Variants in JMJD1C observed in about 807,000 individuals in gnomAD.
JMJD1C encodes jumonji domain containing 1C.
Under a neutral mutation model 245.3 loss-of-function variants are expected in JMJD1C, and 31 were observed. That is an observed-to-expected ratio of 0.13 (90% CI 0.09 to 0.17). The LOEUF is 0.17. Ranked by LOEUF, JMJD1C falls within the 10% of genes least tolerant of loss-of-function variation. The probability of loss-of-function intolerance (pLI) is 1.00; values close to 1 mark genes in which losing one functional copy is unlikely to be tolerated. For missense variants in JMJD1C, 2,691 were observed against 3,000.2 expected (o/e 0.90, Z 2.41); for synonymous variants, 1,057 against 1,017.4 (o/e 1.04, Z -0.74).
At chr10:63,441,254 T>C (rs567043453) in intron 1 of JMJD1C, among the ~76,000 whole-genome samples, 27 of 152,284 alleles carry the variant, frequency 1.8e-4, no homozygotes, top group Admixed American at 6.5e-4. Context: ...CCTAAAGGTG[T>C]CCTTGGATTC....
At chr10:63,183,097 G>C (rs1458888648) in intron 22 of JMJD1C, among the ~76,000 whole-genome samples, 1 of 152,162 alleles carries the variant, frequency 6.6e-6, no homozygotes, top group African/African-American at 2.4e-5. Flanking sequence ...CTGACCTCCA[G>C]TGATTCACCT....
At chr10:63,354,796 C>T (rs907721967) in intron 2 of JMJD1C, among the ~76,000 whole-genome samples, 4 of 146,438 alleles carry the variant, frequency 2.7e-5, no homozygotes, top group African/African-American at 1.0e-4. Flanking sequence ...AGGTGGATTG[C>T]TTGAGCTCAG....
intron 2 of JMJD1C, among the ~76,000 whole-genome samples, chr10:63,347,065 GA>G (rs1943881310): frequency 8.0e-6 from 1 of 124,316 alleles, no homozygotes; most frequent in African/African-American, 3.1e-5. Flanking sequence ...CAAATGAAAA[GA>G]ATTTTTTTTT....
intron 1 of JMJD1C, among the ~76,000 whole-genome samples, chr10:63,508,561 C>A (rs532247127): frequency 7.9e-5 from 12 of 152,238 alleles, no homozygotes; most frequent in African/African-American, 2.9e-4. Flanking sequence ...ATCTATAGAT[C>A]AAGTTGGGAA....
intron 2 of JMJD1C, among the ~76,000 whole-genome samples, chr10:63,308,971 G>T (rs909492343): frequency 6.6e-6 from 1 of 152,092 alleles, no homozygotes; most frequent in African/African-American, 2.4e-5. Flanking sequence ...AGTGACAAAG[G>T]ATCAGAAAAC....
intron 3 of JMJD1C, among the ~76,000 whole-genome samples, chr10:63,246,923 G>A (rs182008243): frequency 2.0e-5 from 3 of 150,942 alleles, no homozygotes; most frequent in South Asian, 2.1e-4. Context: ...CAAAATCTAC[G>A]GGATTTGGCA....
chr10:63,225,801 C>T (rs1007473260), intron 3 of JMJD1C, among the ~76,000 whole-genome samples: 4 of 150,606 alleles, frequency 2.7e-5, no homozygotes, highest in African/African-American at 9.8e-5. Flanking sequence ...AAAAAGCTAA[C>T]CTAAAGGTGC....
At chr10:63,292,744 CT>C (rs1858931297) in intron 2 of JMJD1C, among the ~76,000 whole-genome samples, 4 of 152,040 alleles carry the variant, frequency 2.6e-5, no homozygotes, top group Admixed American at 2.6e-4. Flanking sequence ...TTCTTAATGT[CT>C]TCCTTAAAAC....
chr10:63,232,825 T>C (rs963364551), intron 3 of JMJD1C, among the ~76,000 whole-genome samples: 2 of 152,206 alleles, frequency 1.3e-5, no homozygotes, highest in African/African-American at 4.8e-5. Context: ...AATTAAAATA[T>C]GATTACATGA....
At chr10:63,509,135 A>G (rs1318399131) in intron 1 of JMJD1C, among the ~76,000 whole-genome samples, 1 of 152,176 alleles carries the variant, frequency 6.6e-6, no homozygotes, top group Admixed American at 6.5e-5. Flanking sequence ...TTCATAATGA[A>G]TTAGTGTTGG....
intron 2 of JMJD1C, among the ~76,000 whole-genome samples, chr10:63,287,746 TTTTC>T (rs1434967021): frequency 6.6e-6 from 1 of 151,958 alleles, no homozygotes; most frequent in Admixed American, 6.5e-5. Flanking sequence ...AAAGATTAGA[TTTTC>T]TTTTTCTTTT....
chr10:63,427,062 G>A (rs980501253), intron 1 of JMJD1C, among the ~76,000 whole-genome samples: 13 of 152,220 alleles, frequency 8.5e-5, no homozygotes, highest in South Asian at 2.1e-4. Flanking sequence ...GTTTGTGTAT[G>A]TAAGTAATGC....
intron 2 of JMJD1C, among the ~76,000 whole-genome samples, chr10:63,283,844 C>CAA (rs200011872): frequency 2.0e-5 from 3 of 149,048 alleles, no homozygotes; most frequent in Admixed American, 2.0e-4. Context: ...GTGTAAAAAA[C>CAA]AAAAAAAAAC....
intron 1 of JMJD1C, among the ~76,000 whole-genome samples, chr10:63,430,562 T>G (rs1187204756): frequency 6.6e-6 from 1 of 152,112 alleles, no homozygotes; most frequent in African/African-American, 2.4e-5. Context: ...AGAGAGTAGA[T>G]AAGCGGTTGC....
chr10:63,385,318 C>A (rs181085858), intron 1 of JMJD1C, among the ~76,000 whole-genome samples: 1 of 151,176 alleles, frequency 6.6e-6, no homozygotes, highest in East Asian at 1.9e-4. Context: ...ATGTAACAGA[C>A]CCATGAAAAT....
At chr10:63,498,022 T>A (rs544103466) in intron 1 of JMJD1C, among the ~76,000 whole-genome samples, 2 of 152,274 alleles carry the variant, frequency 1.3e-5, no homozygotes, top group East Asian at 3.9e-4. Context: ...TTATACTTCA[T>A]GGAGAGATGA....
At chr10:63,308,751 C>CAAAAAAA (rs377153800) in intron 2 of JMJD1C, among the ~76,000 whole-genome samples, 3 of 49,824 alleles carry the variant, frequency 6.0e-5, no homozygotes, top group Admixed American at 2.1e-4. Context: ...CATTTGAGAA[C>CAAAAAAA]AAAAAAAAAA....
intron 2 of JMJD1C, among the ~76,000 whole-genome samples, chr10:63,351,718 G>A (rs1944378096): frequency 1.3e-5 from 2 of 152,202 alleles, no homozygotes; most frequent in Middle Eastern, 6.8e-3. Flanking sequence ...GGATAACAGA[G>A]TACCAGAAGT....
intron 22 of JMJD1C, among the ~76,000 whole-genome samples, chr10:63,181,514 T>C (rs1276246589): frequency 1.3e-5 from 2 of 152,304 alleles, no homozygotes; most frequent in Non-Finnish European, 2.9e-5. Flanking sequence ...TCATGATCTT[T>C]TAAGTATTTT....
Sources: gnomAD v4.1 joint callset for allele counts (sites outside exome capture counted in the v4.1 genomes callset) on GRCh38, gnomAD v4.1.1 for gene constraint, MANE v1.5 for transcripts, NCBI Gene and HGNC (gene_info 2026-07-23, HGNC 2026-07-21) for gene names.